Variants in DSCAM observed in about 807,000 individuals in gnomAD.
The protein encoded by DSCAM is cell adhesion molecule DSCAM.
In DSCAM, 47 loss-of-function variants were observed where a neutral mutation model predicts 217.7. The observed-to-expected ratio is 0.22, with a 90% CI of 0.17 to 0.28. The LOEUF (loss-of-function observed/expected upper bound fraction) is 0.28. Among genes scored for constraint, DSCAM ranks in the 10% least tolerant of loss-of-function variants. The probability of loss-of-function intolerance (pLI) is 1.00; values close to 1 mark genes in which losing one functional copy is unlikely to be tolerated. For synonymous variants in DSCAM, 1,056 were observed against 1,015.3 expected, an observed-to-expected ratio of 1.04 and a Z score of -0.76; for missense variants, 2,080 against 2,618.3, an observed-to-expected ratio of 0.79 and a Z score of 4.49.
At chr21:40,711,718 G>T (rs1342196392) in intron 1 of DSCAM, among the ~76,000 whole-genome samples, 1 of 152,170 alleles carries the variant, frequency 6.6e-6, no homozygotes, top group African/African-American at 2.4e-5. Context: ...GGTCAAAGGT[G>T]GCTCCACAAG....
chr21:40,540,657 G>A (rs1459109152), intron 3 of DSCAM, among the ~76,000 whole-genome samples: 7 of 152,076 alleles, frequency 4.6e-5, no homozygotes, highest in African/African-American at 1.7e-4. Flanking sequence ...AAAAGAGAGG[G>A]GGTGCTGCTT....
At position 40,189,081 on chromosome 21, in the gene DSCAM, G is replaced by T. The variant is rs570726352; in HGVS notation, c.2514C>A (p.Ser838=). 1 of 1,614,118 alleles carries T rather than the reference G, an allele frequency of 6.2e-7. No homozygotes were observed. Among genetic ancestry groups the T allele is most frequent in the Non-Finnish European group, 8.5e-7 (1 of 1,180,018 alleles). The change falls in exon 12 of 33, where the codon TCC becomes TCA. Residue 838 remains serine, a synonymous_variant. Coordinates refer to ENST00000400454, the MANE Select transcript of DSCAM (RefSeq NM_001389.5). ...INPEMARYLV[S]TKEVGEEVIS... ...TCACCTCTTCTCCCACCTCCTTGGTGGACACAAGATAACGGGCCATCTCAG... is the reference window on the plus strand; with the variant it reads ...TCACCTCTTCTCCCACCTCCTTGGTTGACACAAGATAACGGGCCATCTCAG...
At chr21:40,814,167 A>G (rs964089342) in intron 1 of DSCAM, among the ~76,000 whole-genome samples, 6 of 152,206 alleles carry the variant, frequency 3.9e-5, no homozygotes, top group African/African-American at 1.4e-4. Context: ...CATACTAAAC[A>G]ACAGCTTTAT....
intron 3 of DSCAM, among the ~76,000 whole-genome samples, chr21:40,677,612 T>C (rs974443195): frequency 3.9e-5 from 6 of 152,190 alleles, no homozygotes; most frequent in Non-Finnish European, 8.8e-5. Flanking sequence ...GTATATCGAC[T>C]GAAGATCTAT....
intron 3 of DSCAM, among the ~76,000 whole-genome samples, chr21:40,448,813 G>T (rs999637573): frequency 6.6e-6 from 1 of 152,092 alleles, no homozygotes; most frequent in East Asian, 1.9e-4. Flanking sequence ...GGGTGAAAAG[G>T]CTAAATCTTG....
chr21:40,018,764 G>C (rs2088209890), intron 32 of DSCAM, among the ~76,000 whole-genome samples: 1 of 152,222 alleles, frequency 6.6e-6, no homozygotes. Context: ...GAAATGGACA[G>C]ATGAGAAATA....
intron 3 of DSCAM, among the ~76,000 whole-genome samples, chr21:40,370,165 C>T (rs1417531007): frequency 2.6e-5 from 4 of 151,128 alleles, no homozygotes; most frequent in Non-Finnish European, 4.4e-5. Flanking sequence ...GCTGATAAAA[C>T]AAGTTGGAGC....
chr21:40,518,790 T>A (rs2076336373), intron 3 of DSCAM, among the ~76,000 whole-genome samples: 1 of 151,026 alleles, frequency 6.6e-6, no homozygotes, highest in South Asian at 2.1e-4. Flanking sequence ...TGTGCATGGC[T>A]TAACAGTGGG....
At chr21:40,053,850 C>A (rs2088972461) in intron 29 of DSCAM, among the ~76,000 whole-genome samples, 1 of 152,186 alleles carries the variant, frequency 6.6e-6, no homozygotes, top group Non-Finnish European at 1.5e-5. Context: ...CCACTCATGG[C>A]ATCTGCCTAG....
At chr21:40,788,110 G>T (rs952398570) in intron 1 of DSCAM, among the ~76,000 whole-genome samples, 6 of 152,162 alleles carry the variant, frequency 3.9e-5, no homozygotes, top group Non-Finnish European at 2.9e-5. Context: ...CCTCTTCCAA[G>T]AATTACTTCA....
chr21:40,766,669 CA>C (rs34935219), intron 1 of DSCAM, among the ~76,000 whole-genome samples: 885 of 66,632 alleles, frequency 0.013, 15 homozygotes, highest in African/African-American at 0.046. Flanking sequence ...ACAACAATTC[CA>C]AAAAAAAAAA....
At chr21:40,085,886 G>T in intron 22 of DSCAM, 121 bp from the exon 23 acceptor site, 1 of 863,902 alleles carries the variant, frequency 1.2e-6, no homozygotes, top group Non-Finnish European at 1.6e-6. Context: ...CATATTTCTT[G>T]CATTATGAAA....
chr21:40,785,651 G>GA (rs2091586887), intron 1 of DSCAM, among the ~76,000 whole-genome samples: 1 of 152,204 alleles, frequency 6.6e-6, no homozygotes. Flanking sequence ...GGACTCCCAG[G>GA]ATGAAAAGAC....
At chr21:40,644,716 T>G (rs142888439) in intron 3 of DSCAM, among the ~76,000 whole-genome samples, 2,154 of 152,276 alleles carry the variant, frequency 0.014, 17 homozygotes, top group Middle Eastern at 0.034. Flanking sequence ...CTCTGTAGAG[T>G]GTACTTTCAC....
chr21:40,467,698 G>C (rs2075855969), intron 3 of DSCAM, among the ~76,000 whole-genome samples: 1 of 152,012 alleles, frequency 6.6e-6, no homozygotes. Flanking sequence ...ATAGTAAGCA[G>C]TAACTTATCT....
At chr21:40,168,483 A>AT (rs762402466) in intron 15 of DSCAM, among the ~76,000 whole-genome samples, 8 of 152,252 alleles carry the variant, frequency 5.3e-5, no homozygotes, top group Non-Finnish European at 1.2e-4. Context: ...GCAGAAGCAA[A>AT]TGACGACACA....
chr21:40,481,441 G>A (rs948520748), intron 3 of DSCAM, among the ~76,000 whole-genome samples: 4 of 148,592 alleles, frequency 2.7e-5, no homozygotes, highest in East Asian at 2.0e-4. Context: ...AGAGAATGGC[G>A]TGAACCCAGA....
At chr21:40,567,364 A>C (rs2076772620) in intron 3 of DSCAM, among the ~76,000 whole-genome samples, 1 of 152,238 alleles carries the variant, frequency 6.6e-6, no homozygotes, top group African/African-American at 2.4e-5. Context: ...AATGGAAATG[A>C]AAGTGCCTGG....
Position 40,601,650 on chromosome 21 carries a change from T to C in DSCAM, c.508+91160A>G, listed in dbSNP as rs569918576. ...AGTATGATGTCTGTTATAGGTTTTATGTAGATTCTTTTTTCCAAGATGAGG... is the reference window on the plus strand; with the variant it reads ...AGTATGATGTCTGTTATAGGTTTTACGTAGATTCTTTTTTCCAAGATGAGG... On this transcript the variant is annotated intron_variant, in intron 3 of 32. Transcript: ENST00000400454. Among the ~76,000 whole-genome samples the C allele has an allele frequency of 3.3e-5, 5 of 152,336 alleles. 1 individual carries two copies. In the South Asian group the frequency reaches 1.0e-3, roughly 32 times the overall value.
Sources: gnomAD v4.1 joint callset for allele counts (sites outside exome capture counted in the v4.1 genomes callset) on GRCh38, gnomAD v4.1.1 for gene constraint, MANE v1.5 for transcripts, NCBI Gene and HGNC (gene_info 2026-07-23, HGNC 2026-07-21) for gene names.